The following ARMCX4 variants were observed in gnomAD, a reference collection of about 807,000 sequenced individuals.
ARMCX4 encodes armadillo repeat-containing X-linked protein 4.
A neutral mutation model predicts 34.7 loss-of-function variants in ARMCX4; 3 were observed. That is an observed-to-expected ratio of 0.09 (90% CI 0.04 to 0.22). The LOEUF (loss-of-function observed/expected upper bound fraction) is 0.22. Among genes scored for constraint, ARMCX4 ranks in the 10% least tolerant of loss-of-function variants. The pLI is 1.00. For synonymous variants in ARMCX4, 513 were observed against 632.8 expected, an observed-to-expected ratio of 0.81 and a Z score of 2.84; for missense variants, 1,448 against 1,720.8, an observed-to-expected ratio of 0.84 and a Z score of 2.81.
At chrX:101,462,978 G>A (rs1407564101) in intron 4 of ARMCX4, among the ~76,000 whole-genome samples, 1 of 111,630 alleles carries the variant, frequency 9.0e-6, no homozygotes. Context: ...AGATCTGGCC[G>A]GTGCCAATAA....
At chrX:101,485,659 C>T (rs1933669577) in intron 1 of ARMCX4, 129 bp downstream of exon 1, 1 of 112,892 alleles carries the variant, frequency 8.9e-6, no homozygotes, top group African/African-American at 3.2e-5. Context: ...GCCTCTGATT[C>T]TCCCTAGCCC....
At chrX:101,477,801 A>AC (rs781922736) in intron 4 of ARMCX4, among the ~76,000 whole-genome samples, 3 of 111,799 alleles carry the variant, frequency 2.7e-5, no homozygotes, top group Non-Finnish European at 5.6e-5. Context: ...AATTGTCACT[A>AC]CCGTGTGAGG....
At position 101,493,538 on chromosome X, in the gene ARMCX4, C is replaced by A; in HGVS notation, c.4949C>A (p.Pro1650His). 1 of 1,154,891 alleles carries A rather than the reference C, an allele frequency of 8.7e-7. No homozygotes were observed. The highest frequency in any genetic ancestry group is 1.1e-6 in the Non-Finnish European group (1 of 872,412). ...NQSSGRSWIGPGDQAVDCSKP... is the reference protein window; with the variant it reads ...NQSSGRSWIGHGDQAVDCSKP... Reference sequence around the variant, plus strand: ...TCCAGTGGAAGGTCCTGGATTGGGCCTGGGGATCAGGCTGTTGACTGTTCC... The same window carrying A: ...TCCAGTGGAAGGTCCTGGATTGGGCATGGGGATCAGGCTGTTGACTGTTCC... Residue 1650 changes from proline to histidine, a missense_variant, in exon 6 of 6, where the codon CCT (proline) becomes CAT (histidine). Pro to His is a moderately conservative substitution (Grantham distance 77). Transcript: ENST00000423738.
Position 101,489,931 on chromosome X carries a change from G to T in ARMCX4, c.1342G>T (p.Ala448Ser). The T allele has an allele frequency of 8.7e-7, 1 of 1,153,919 alleles. No homozygotes were observed. The highest frequency in any genetic ancestry group is 1.9e-5 in the South Asian group (1 of 52,561). ...TTCCCAGGTTGAGGCCTTGCCTGATGCCAGGGATAAGAGCAGAGGCAATCC... is the reference window on the plus strand; with the variant it reads ...TTCCCAGGTTGAGGCCTTGCCTGATTCCAGGGATAAGAGCAGAGGCAATCC... ...ANSQVEALPD[A>S]RDKSRGNPNV... Residue 448 changes from alanine to serine, a missense_variant, in exon 6 of 6, where the codon GCC becomes TCC. Transcript: ENST00000423738.
chrX:101,474,982 GAAAAAAAA>G (rs1224232813), intron 4 of ARMCX4, among the ~76,000 whole-genome samples: 5 of 63,335 alleles, frequency 7.9e-5, no homozygotes, highest in Non-Finnish European at 1.6e-4. Context: ...GGAGAAGGAA[GAAAAAAAA>G]AAAAAAAAAG....
intron 2 of ARMCX4, among the ~76,000 whole-genome samples, chrX:101,420,132 G>A (rs1316935228): frequency 1.8e-5 from 2 of 111,907 alleles, no homozygotes; most frequent in African/African-American, 6.5e-5. Context: ...GGAGGCCGAG[G>A]CGGGTGGATC....
upstream of ARMCX4, among the ~76,000 whole-genome samples, chrX:101,482,731 C>A (rs949654400): frequency 9.1e-6 from 1 of 110,445 alleles, no homozygotes; most frequent in Admixed American, 9.7e-5. Flanking sequence ...GAATTGTACT[C>A]TTGTGGGATT....
At chrX:101,421,504 A>G (rs1555990098) in intron 2 of ARMCX4, among the ~76,000 whole-genome samples, 1 of 111,748 alleles carries the variant, frequency 8.9e-6, no homozygotes, top group Admixed American at 9.5e-5. Context: ...TTGTGCTGCT[A>G]TAACAATACC....
In ARMCX4 at chrX:101,492,521, C is replaced by G. The variant is rs1191557017; in HGVS notation, c.3932C>G (p.Ser1311Cys). 16 of 1,146,612 alleles carry G rather than the reference C, an allele frequency of 1.4e-5. No individual in the cohort carries two copies. Among genetic ancestry groups the G allele is most frequent in the Non-Finnish European group, 1.8e-5 (16 of 868,597 alleles). 94.5% of individuals were successfully genotyped at this position (1,146,612 alleles called of 1,213,427 possible). Residue 1311 changes from serine (S) to cysteine (C), a missense_variant, in exon 6 of 6, where the codon TCT (serine) becomes TGT (cysteine). By Grantham distance (112) the Ser-to-Cys change is moderately radical. Around this residue, in one of 2 missense-constraint regions of ARMCX4, gnomAD observed 1,343 missense variants for 1,540.7 expected, o/e 0.87. Transcript: ENST00000423738. ...GGSWAGTSDQ[S>C]GGGSKPRFED... ...TCCTGGGCTGGGACTAGTGATCAAT[C>G]TGGTGGTGGGTCCAAGCCTAGATTT...
chrX:101,495,627 T>TCAAC lies in ARMCX4; in HGVS notation c.*165_*166insCAAC. 2.3e-6 allele frequency: 1 copy of TCAAC among 438,285 alleles called. No individual in the cohort carries two copies. Among genetic ancestry groups the TCAAC allele is most frequent in the Non-Finnish European group, 3.5e-6 (1 of 282,268 alleles). 36.1% of individuals were successfully genotyped at this position (438,285 alleles called of 1,213,427 possible). On this transcript the variant is annotated 3_prime_UTR_variant, in exon 6 of 6. Coordinates refer to ENST00000423738, the MANE Select transcript of ARMCX4 (RefSeq NM_001256155.3). ...AATGAATTCAAGCTTGTACTAAAAATACATGTGTTGATTTTTATCTTGTCT... is the reference window on the plus strand; with the variant it reads ...AATGAATTCAAGCTTGTACTAAAAATCAACACATGTGTTGATTTTTATCTTGTCT...
upstream of ARMCX4, among the ~76,000 whole-genome samples, chrX:101,484,597 A>G (rs1933609076): frequency 8.9e-6 from 1 of 112,362 alleles, no homozygotes; most frequent in Admixed American, 9.4e-5. Flanking sequence ...CCAGAACTTC[A>G]AAAGTTACAA....
intron 7 of ARMCX4, among the ~76,000 whole-genome samples, chrX:101,501,244 G>A (rs1278460174): frequency 8.9e-6 from 1 of 112,583 alleles, no homozygotes; most frequent in African/African-American, 3.2e-5. Flanking sequence ...CCCTATAGCA[G>A]GTCCAGGATG....
In ARMCX4 at chrX:101,493,064, A is replaced by G. The variant is rs969674651; in HGVS notation, c.4475A>G (p.Asp1492Gly). The G allele has an allele frequency of 6.9e-6, 8 of 1,152,041 alleles. No individual in the cohort carries two copies. Among genetic ancestry groups the G allele is most frequent in the Admixed American group, 5.2e-5 (2 of 38,507 alleles). The allele number at this position is 1,152,041 out of a possible 1,213,427, so 94.9% of individuals were successfully genotyped here. A position where few individuals can be genotyped will look rare whatever the true frequency, so the allele number is the denominator to read the frequency against. ...VVGDSRLGLR[D>G]QSSGDSWAGT... is the part of the protein sequence containing the mutation. ...GGAGATTCTAGGCTGGGGCTTAGGG[A>G]CCAGTCTAGTGGAGATTCCTGGGCT... The change falls in exon 6 of 6, where the codon GAC (aspartate) becomes GGC (glycine). Residue 1492 changes from aspartate (D) to glycine (G), a missense_variant. Coordinates refer to ENST00000423738, the MANE Select transcript of ARMCX4 (RefSeq NM_001256155.3).
At chrX:101,527,885 C>T (rs1935016188) in intron 11 of ARMCX4, among the ~76,000 whole-genome samples, 1 of 111,551 alleles carries the variant, frequency 9.0e-6, no homozygotes, top group Middle Eastern at 4.6e-3. Flanking sequence ...GATTCACAGC[C>T]GAATTCTACC....
intron 7 of ARMCX4, among the ~76,000 whole-genome samples, chrX:101,504,642 G>A (rs1270981149): frequency 2.7e-5 from 3 of 110,909 alleles, no homozygotes; most frequent in Admixed American, 9.6e-5. Flanking sequence ...CTCTGGCCCC[G>A]GGTCCCCAGA....
chrX:101,477,715 A>C (rs1217249149), intron 4 of ARMCX4, among the ~76,000 whole-genome samples: 1 of 110,495 alleles, frequency 9.1e-6, no homozygotes, highest in Non-Finnish European at 1.9e-5. Context: ...AGAAAAAGAA[A>C]ACTATAAACG....
chrX:101,468,133 TA>T lies in ARMCX4; in HGVS notation c.-472-17889del, dbSNP rs782239713. On this transcript the variant is annotated intron_variant and NMD_transcript_variant, in intron 4 of 15. Coordinates refer to the ARMCX4 transcript ENST00000433011. ...GTAAATGTTGCATTTCAAGTTCTAATAGGGGAAAGGATCTCTTCAACAGATG... is the reference window on the plus strand; with the variant it reads ...GTAAATGTTGCATTTCAAGTTCTAATGGGGAAAGGATCTCTTCAACAGATG... 2.9e-3 allele frequency among the ~76,000 whole-genome samples: 322 copies of T among 109,851 alleles called. 2 individuals are homozygous for T. The highest frequency in any genetic ancestry group is 4.5e-3 in the Non-Finnish European group (239 of 52,640).
At chrX:101,436,859 T>A (rs1175270422) in intron 2 of ARMCX4, among the ~76,000 whole-genome samples, 12 of 111,846 alleles carry the variant, frequency 1.1e-4, no homozygotes, top group Non-Finnish European at 2.3e-4. Context: ...CATGAAGGGT[T>A]GTTGAATTTT....
Position 101,422,033 on chromosome X carries a change from T to A in ARMCX4, n.164+3033T>A, listed in dbSNP as rs1603065112. On this transcript the variant is annotated intron_variant and non_coding_transcript_variant, in intron 2 of 3. Coordinates refer to the ARMCX4 transcript ENST00000430461. ...TATTATTATTATTATTATTATTATT[T>A]GAGACAGAGTCTTGCTCTGTTGCCC... Among the ~76,000 whole-genome samples, 3 of 86,264 alleles carry A rather than the reference T, an allele frequency of 3.5e-5. No homozygotes were observed. In the South Asian group the frequency reaches 1.7e-3, roughly 49 times the overall value. 74.9% of individuals were successfully genotyped at this position (86,264 alleles called of 115,157 possible).
Sources: allele counts gnomAD v4.1 joint callset (sites outside exome capture counted in the v4.1 genomes callset), GRCh38; gene constraint gnomAD v4.1.1; regional missense constraint gnomAD v4.1.1; transcripts MANE v1.5; gene names NCBI Gene and HGNC (gene_info 2026-07-23, HGNC 2026-07-21).